TENM3: variants seen among roughly 807,000 people sequenced by gnomAD.
The protein encoded by TENM3 is teneurin transmembrane protein 3, also known as teneurin-3.
TENM3 carries 63 observed loss-of-function variants against 255.1 expected under a neutral mutation model. The ratio of observed to expected loss-of-function variants is 0.25; its 90% confidence interval spans 0.20 to 0.30. The LOEUF (loss-of-function observed/expected upper bound fraction) is 0.30, where lower values mean the gene tolerates loss of function less well. Ranked by LOEUF, TENM3 falls within the 10% of genes least tolerant of loss-of-function variation. The pLI, the probability that TENM3 is intolerant of heterozygous loss-of-function variation, is 1.00. For missense variants in TENM3, 2,929 were observed against 3,461.1 expected (o/e 0.85, Z 3.86); for synonymous variants, 1,306 against 1,322.3 (o/e 0.99, Z 0.27).
chr4:181,656,731 T>C, the TENM3 span, among the ~76,000 whole-genome samples: 1 of 151,584 alleles, frequency 6.6e-6, no homozygotes, highest in Admixed American at 6.6e-5. Context: ...AACTGAATAT[T>C]GAAGGGAGGA....
chr4:182,783,921 A>C (rs1338667791), intron 24 of TENM3, among the ~76,000 whole-genome samples: 3 of 151,912 alleles, frequency 2.0e-5, no homozygotes, highest in Non-Finnish European at 4.4e-5. Flanking sequence ...TCCTTTCAGC[A>C]CTTCTCTGTA....
the TENM3 span, among the ~76,000 whole-genome samples, chr4:181,719,254 AAT>A: frequency 2.7e-5 from 4 of 150,340 alleles, no homozygotes; most frequent in African/African-American, 4.9e-5. Context: ...TAAAAATGAA[AAT>A]ATATATATAT....
chr4:182,054,767 A>G, the TENM3 span, among the ~76,000 whole-genome samples: 1 of 152,094 alleles, frequency 6.6e-6, no homozygotes, highest in Admixed American at 6.5e-5. Context: ...GTGCCCCATA[A>G]ATATATACAC....
chr4:182,726,061 C>G (rs547200024), intron 13 of TENM3, among the ~76,000 whole-genome samples: 11 of 152,190 alleles, frequency 7.2e-5, no homozygotes, highest in African/African-American at 2.6e-4. Flanking sequence ...ATAAGGAAAC[C>G]GTGTGTAATC....
chr4:182,250,054 C>CTTTTTTT (rs957483629), intron 1 of TENM3, among the ~76,000 whole-genome samples: 14 of 128,422 alleles, frequency 1.1e-4, no homozygotes, highest in East Asian at 2.2e-4. Flanking sequence ...TTTCTTTTTT[C>CTTTTTTT]TTTTTTTTTT....
chr4:182,180,562 A>G (rs1350583220), intron 1 of TENM3, among the ~76,000 whole-genome samples: 1 of 152,018 alleles, frequency 6.6e-6, no homozygotes, highest in African/African-American at 2.4e-5. Flanking sequence ...ATATGAGTAA[A>G]TGGCCAGGCT....
the TENM3 span, among the ~76,000 whole-genome samples, chr4:181,544,408 T>TAAAAAAAAAAAAAAA: frequency 1.9e-3 from 128 of 68,656 alleles, 20 homozygotes; most frequent in East Asian, 3.0e-3. Flanking sequence ...CCTTCAGGAT[T>TAAAAAAAAAAAAAAA]AAAAAAAAAA....
At chr4:181,671,272 C>T in the TENM3 span, among the ~76,000 whole-genome samples, 14 of 152,166 alleles carry the variant, frequency 9.2e-5, no homozygotes, top group African/African-American at 3.4e-4. Flanking sequence ...AATAAATTGA[C>T]CCATATATTA....
At chr4:182,008,344 A>G in the TENM3 span, among the ~76,000 whole-genome samples, 2 of 151,534 alleles carry the variant, frequency 1.3e-5, no homozygotes, top group Non-Finnish European at 2.9e-5. Flanking sequence ...GCTTGTTTCC[A>G]TTCTCCCCAT....
chr4:181,718,991 G>A, the TENM3 span, among the ~76,000 whole-genome samples: 1 of 151,932 alleles, frequency 6.6e-6, no homozygotes, highest in Non-Finnish European at 1.5e-5. Flanking sequence ...TGGATCATGA[G>A]GTCAGGAGAT....
At chr4:181,636,874 C>T in the TENM3 span, among the ~76,000 whole-genome samples, 2 of 152,188 alleles carry the variant, frequency 1.3e-5, no homozygotes, top group Non-Finnish European at 2.9e-5. Context: ...AAAGTACTTA[C>T]AGTGCTATCA....
the TENM3 span, among the ~76,000 whole-genome samples, chr4:181,754,310 AC>A: frequency 1.3e-5 from 2 of 151,840 alleles, no homozygotes; most frequent in African/African-American, 4.8e-5. Context: ...ACACACACAC[AC>A]ACACACACAC....
chr4:181,944,583 G>T, the TENM3 span, among the ~76,000 whole-genome samples: 1 of 152,128 alleles, frequency 6.6e-6, no homozygotes, highest in Non-Finnish European at 1.5e-5. Context: ...ATCACAGAGA[G>T]AGTATAGGCC....
At chr4:182,109,326 A>T in the TENM3 span, among the ~76,000 whole-genome samples, 1 of 149,902 alleles carries the variant, frequency 6.7e-6, no homozygotes, top group African/African-American at 2.4e-5. Flanking sequence ...ACAGATAGTG[A>T]TTATACCATA....
chr4:182,306,153 T>C (rs982334090), intron 1 of TENM3, among the ~76,000 whole-genome samples: 6 of 152,138 alleles, frequency 3.9e-5, no homozygotes, highest in Admixed American at 3.3e-4. Context: ...CGTGATATGA[T>C]AGTGAACCAT....
At chr4:182,597,815 C>G (rs907847008) in intron 3 of TENM3, among the ~76,000 whole-genome samples, 1 of 152,184 alleles carries the variant, frequency 6.6e-6, no homozygotes, top group African/African-American at 2.4e-5. Context: ...AAGCCCAAAT[C>G]TGTAGAGCTA....
chr4:182,158,420 C>G (rs767903340), intron 1 of TENM3, among the ~76,000 whole-genome samples: 1 of 152,142 alleles, frequency 6.6e-6, no homozygotes, highest in Non-Finnish European at 1.5e-5. Context: ...TGTGAATGAG[C>G]AGTAGGTCTC....
At chr4:182,451,556 T>C (rs1773463825) in intron 3 of TENM3, among the ~76,000 whole-genome samples, 1 of 152,190 alleles carries the variant, frequency 6.6e-6, no homozygotes, top group Non-Finnish European at 1.5e-5. Context: ...AGGCACTGTC[T>C]AAATACAGTG....
intron 6 of TENM3, among the ~76,000 whole-genome samples, chr4:182,655,256 G>A (rs578151069): frequency 2.6e-5 from 4 of 152,212 alleles, no homozygotes; most frequent in African/African-American, 7.2e-5. Flanking sequence ...GAAGATGATC[G>A]AATGGTACTT....
Sources: allele counts gnomAD v4.1 joint callset (sites outside exome capture counted in the v4.1 genomes callset), GRCh38; gene constraint gnomAD v4.1.1; transcripts MANE v1.5; gene names NCBI Gene and HGNC (gene_info 2026-07-23, HGNC 2026-07-21).